Variants in DAB1 observed in about 807,000 individuals in gnomAD.
DAB1 encodes DAB adaptor protein 1, also known as disabled homolog 1.
Under a neutral mutation model 64.6 loss-of-function variants are expected in DAB1, and 15 were observed. The observed-to-expected ratio is 0.23, with a 90% confidence interval of 0.16 to 0.36. The LOEUF (loss-of-function observed/expected upper bound fraction) is 0.36, where lower values mean the gene tolerates loss of function less well. Among genes scored for constraint, DAB1 ranks in the 10% least tolerant of loss-of-function variants. The probability of loss-of-function intolerance (pLI) is 1.00; values close to 1 mark genes in which losing one functional copy is unlikely to be tolerated. For missense variants in DAB1, 596 were observed against 706.7 expected, an observed-to-expected ratio of 0.84 and a Z score of 1.78; for synonymous variants, 235 against 251.9, an observed-to-expected ratio of 0.93 and a Z score of 0.64.
intron 6 of DAB1, among the ~76,000 whole-genome samples, chr1:57,728,451 C>G (rs1465070820): frequency 6.6e-6 from 1 of 151,950 alleles, no homozygotes; most frequent in Admixed American, 6.6e-5. Context: ...AAAATTAGCC[C>G]AGCGTGGTGG....
intron 5 of DAB1, among the ~76,000 whole-genome samples, chr1:57,959,584 G>T (rs1174144014): frequency 2.0e-5 from 3 of 152,088 alleles, no homozygotes; most frequent in Non-Finnish European, 1.5e-5. Context: ...TGGTTCTCTT[G>T]GATATTCTAA....
At chr1:57,734,736 G>T (rs1416898195) in intron 6 of DAB1, among the ~76,000 whole-genome samples, 1 of 152,192 alleles carries the variant, frequency 6.6e-6, no homozygotes, top group Non-Finnish European at 1.5e-5. Context: ...CAATTCAATT[G>T]CAGAGGCAGT....
chr1:57,866,490 T>C (rs1382856304), intron 1 of DAB1: 1 of 152,196 alleles, frequency 6.6e-6, no homozygotes, highest in Non-Finnish European at 1.5e-5. Flanking sequence ...TGCTGGTTCA[T>C]GTTCTTCTAT....
At chr1:57,305,218 A>C (rs1013868619) in intron 1 of DAB1, among the ~76,000 whole-genome samples, 1 of 152,368 alleles carries the variant, frequency 6.6e-6, no homozygotes, top group South Asian at 2.1e-4. Context: ...GAATGAGAGG[A>C]GGGAAAGGCT....
At chr1:58,448,151 C>T (rs1035545056) in intron 3 of DAB1, among the ~76,000 whole-genome samples, 3 of 152,138 alleles carry the variant, frequency 2.0e-5, no homozygotes, top group African/African-American at 4.8e-5. Flanking sequence ...TCCCAGCAAA[C>T]ATACCCCTCA....
intron 6 of DAB1, among the ~76,000 whole-genome samples, chr1:57,802,505 C>T (rs4912283): frequency 0.17 from 25,479 of 152,086 alleles, 2,526 homozygotes; most frequent in Admixed American, 0.31. Flanking sequence ...AGCTCTGGAA[C>T]GAATATTGTC....
chr1:57,806,074 C>A (rs1651349519), intron 6 of DAB1, among the ~76,000 whole-genome samples: 1 of 152,196 alleles, frequency 6.6e-6, no homozygotes, highest in African/African-American at 2.4e-5. Context: ...ACACATTTCA[C>A]AGAGGAAAAG....
At chr1:58,262,582 T>TA (rs771225363) in intron 4 of DAB1, among the ~76,000 whole-genome samples, 11 of 151,630 alleles carry the variant, frequency 7.3e-5, no homozygotes, top group Non-Finnish European at 1.5e-4. Flanking sequence ...AGACTGCATC[T>TA]AAAAAAAACA....
intron 4 of DAB1, among the ~76,000 whole-genome samples, chr1:58,257,338 A>G (rs1420233161): frequency 6.6e-6 from 1 of 152,226 alleles, no homozygotes; most frequent in Admixed American, 6.5e-5. Flanking sequence ...CTTGTGCATC[A>G]TACAAAGGTC....
rs117445610 is a variant in DAB1 at position 58,182,428 on chromosome 1, T to C, written n.310-31840A>G. 6.5e-4 allele frequency among the ~76,000 whole-genome samples: 99 copies of C among 152,060 alleles called. 1 individual carries two copies. In the East Asian group the frequency reaches 0.018, roughly 27 times the overall value. ...TTATGAGACTCCCATGAAACATATG[T>C]TGCTGTGCTTAATGGTGTCCTATAG... On this transcript the variant is annotated intron_variant and non_coding_transcript_variant, in intron 4 of 20. Transcript: ENST00000485760.
At chr1:58,111,935 A>G (rs141082400) in intron 5 of DAB1, among the ~76,000 whole-genome samples, 1 of 152,302 alleles carries the variant, frequency 6.6e-6, no homozygotes, top group African/African-American at 2.4e-5. Context: ...TACTGCACTT[A>G]GATTAAATCC....
intron 7 of DAB1, among the ~76,000 whole-genome samples, chr1:57,516,080 AT>A (rs751493679): frequency 2.0e-5 from 3 of 152,318 alleles, no homozygotes; most frequent in Non-Finnish European, 4.4e-5. Flanking sequence ...ATTAATTCAT[AT>A]AAATAAATAA....
chr1:58,158,957 G>A (rs553332006), intron 4 of DAB1, among the ~76,000 whole-genome samples: 3 of 152,276 alleles, frequency 2.0e-5, no homozygotes, highest in African/African-American at 4.8e-5. Flanking sequence ...AATGAAAGGC[G>A]AGTTCCCATA....
intron 7 of DAB1, among the ~76,000 whole-genome samples, chr1:57,584,229 C>CT (rs923293848): frequency 1.2e-4 from 18 of 152,106 alleles, no homozygotes; most frequent in Middle Eastern, 3.4e-3. Context: ...TATCATTTCC[C>CT]TTTTTTTTGT....
intron 4 of DAB1, among the ~76,000 whole-genome samples, chr1:58,180,579 G>A (rs919606281): frequency 2.0e-5 from 3 of 151,958 alleles, no homozygotes; most frequent in Admixed American, 2.0e-4. Context: ...ACAGGGATGA[G>A]CCACTGTGCC....
At chr1:57,245,570 TG>T (rs1668807534) in intron 2 of DAB1, among the ~76,000 whole-genome samples, 1 of 152,188 alleles carries the variant, frequency 6.6e-6, no homozygotes, top group Non-Finnish European at 1.5e-5. Context: ...CTGAGAATGA[TG>T]GTTTCCAGCT....
At chr1:58,145,307 A>G (rs1271829617) in intron 5 of DAB1, among the ~76,000 whole-genome samples, 3 of 152,196 alleles carry the variant, frequency 2.0e-5, no homozygotes, top group African/African-American at 4.8e-5. Flanking sequence ...TGCCTGGCAC[A>G]TTTGGAACTC....
At chr1:58,163,839 T>A in intron 4 of DAB1, among the ~76,000 whole-genome samples, 1 of 152,148 alleles carries the variant, frequency 6.6e-6, no homozygotes, top group South Asian at 2.1e-4. Context: ...GTTCACACAC[T>A]CCTGGCTGAT....
chr1:57,298,741 A>C (rs79856219), intron 1 of DAB1, among the ~76,000 whole-genome samples: 1 of 152,224 alleles, frequency 6.6e-6, no homozygotes, highest in Admixed American at 6.5e-5. Context: ...GCAAAGAGAC[A>C]CAAAAAATTA....
Sources: gnomAD v4.1 joint callset for allele counts (sites outside exome capture counted in the v4.1 genomes callset) on GRCh38, gnomAD v4.1.1 for gene constraint, MANE v1.5 for transcripts, NCBI Gene and HGNC (gene_info 2026-07-23, HGNC 2026-07-21) for gene names.